The following PIK3R5 variants were observed in gnomAD, a reference collection of about 807,000 sequenced individuals.
The protein encoded by PIK3R5 is phosphoinositide 3-kinase regulatory subunit 5.
PIK3R5 carries 32 observed loss-of-function variants against 94.9 expected under a neutral mutation model. The ratio of observed to expected loss-of-function variants is 0.34; its 90% CI spans 0.25 to 0.45. The LOEUF (loss-of-function observed/expected upper bound fraction) is 0.45. PIK3R5 is among the 20% of genes least tolerant of loss of function. PIK3R5 has a pLI of 1.00. For synonymous variants in PIK3R5, 443 were observed against 479.4 expected (o/e 0.92, Z 0.99); for missense variants, 853 against 1,144.6 (o/e 0.75, Z 3.68).
intron 1 of PIK3R5, among the ~76,000 whole-genome samples, chr17:8,954,878 A>G (rs2151477355): frequency 6.6e-6 from 1 of 150,402 alleles, no homozygotes; most frequent in East Asian, 2.0e-4. Context: ...CGGAGGTTGC[A>G]GTGAACTAAG....
Position 8,942,285 on chromosome 17 carries a change from C to T in PIK3R5, c.-14+23311G>A, listed in dbSNP as rs533532422. Among the ~76,000 whole-genome samples the T allele has an allele frequency of 1.2e-4, 18 of 152,310 alleles. No homozygotes were observed. In the East Asian group the frequency reaches 3.3e-3, roughly 28 times the overall value. On this transcript the variant is annotated intron_variant, in intron 1 of 18. Transcript: ENST00000447110. ...CCTCCCAGGAAACCACACCTGACCT[C>T]TGCCGGCCTGACCCCATCCAGAAAT...
chr17:8,941,598 C>T (rs2091180350), intron 1 of PIK3R5, among the ~76,000 whole-genome samples: 1 of 152,256 alleles, frequency 6.6e-6, no homozygotes, highest in South Asian at 2.1e-4. Flanking sequence ...TGCGCTTGCC[C>T]CCAGGCACAG....
rs1331523832 is a variant in PIK3R5, at chr17:8,881,204, C to T, written c.2383-187G>A. On this transcript the variant is annotated intron_variant, in intron 17 of 18. Transcript: ENST00000447110. The surrounding 1 kb of genome is among the most constrained non-coding windows in gnomAD (Gnocchi z 4.8). ...GCCTGAGGCCTCCATCAGCCCCTGC[C>T]TCCTCTCCAGCATCTGGAAGAAGCA... Among the ~76,000 whole-genome samples, 1 of 152,148 alleles carries T rather than the reference C, an allele frequency of 6.6e-6. No homozygotes were observed. The highest frequency in any genetic ancestry group is 1.5e-5 in the Non-Finnish European group (1 of 68,034).
chr17:8,928,102 C>T (rs73253060), intron 1 of PIK3R5, among the ~76,000 whole-genome samples: 6,862 of 150,822 alleles, frequency 0.045, 532 homozygotes, highest in African/African-American at 0.16. Flanking sequence ...TATAGCAGCA[C>T]AAACAAAGAC....
At chr17:8,918,506 T>G (rs989772187) in intron 1 of PIK3R5, among the ~76,000 whole-genome samples, 1 of 152,210 alleles carries the variant, frequency 6.6e-6, no homozygotes, top group Non-Finnish European at 1.5e-5. Context: ...TTAAATGTTA[T>G]AGATAATTGA....
rs930918240 is a variant in PIK3R5, at chr17:8,890,493, T to C, written c.657+245A>G. 1.6e-4 allele frequency among the ~76,000 whole-genome samples: 24 copies of C among 152,210 alleles called. No homozygotes were observed. The highest frequency in any genetic ancestry group is 5.8e-4 in the African/African-American group (24 of 41,448). ...AGCTCATTCTCGTTCTTATGGCATA[T>C]GCCATCTTCTGAGGCACCAGTTATC... On this transcript the variant is annotated intron_variant, in intron 7 of 18. Coordinates refer to ENST00000447110, the MANE Select transcript of PIK3R5 (RefSeq NM_001142633.3). This position sits in a 1 kb window ranked among gnomAD's most constrained non-coding sequence, Gnocchi z 6.1.
chr17:8,886,855 C>T (rs2089871399), intron 12 of PIK3R5, among the ~76,000 whole-genome samples: 1 of 152,152 alleles, frequency 6.6e-6, no homozygotes, highest in African/African-American at 2.4e-5. Flanking sequence ...GGGCTGAAAT[C>T]TGAGGTCCCC....
rs374238427 is a variant in PIK3R5, at chr17:8,917,738, C to T, written c.-13-6231G>A. On this transcript the variant is annotated intron_variant, in intron 1 of 18. Coordinates refer to ENST00000447110, the MANE Select transcript of PIK3R5 (RefSeq NM_001142633.3). Reference sequence around the variant, plus strand: ...AAAATTAGCCAGGTGTGGTGGTGTGCGCCTGTAGTCCCAGCTACTCGGGTG... The same window carrying T: ...AAAATTAGCCAGGTGTGGTGGTGTGTGCCTGTAGTCCCAGCTACTCGGGTG... 1.2e-3 allele frequency among the ~76,000 whole-genome samples: 185 copies of T among 152,024 alleles called. 1 individual carries two copies. The highest frequency in any genetic ancestry group is 3.8e-3 in the African/African-American group (159 of 41,462).
intron 1 of PIK3R5, among the ~76,000 whole-genome samples, chr17:8,940,004 G>T (rs530389064): frequency 6.6e-6 from 1 of 152,324 alleles, no homozygotes; most frequent in East Asian, 1.9e-4. Context: ...TCTCAGGACA[G>T]TTTAATTCCT....
intron 13 of PIK3R5, 45 bp downstream of exon 13, chr17:8,886,432 G>T: frequency 6.3e-7 from 1 of 1,598,838 alleles, no homozygotes; most frequent in Non-Finnish European, 8.5e-7. Context: ...GGCCTTGCAG[G>T]CCCGGCAGGT....
At chr17:8,908,797 C>A (rs924160434) in intron 3 of PIK3R5, among the ~76,000 whole-genome samples, 5 of 152,118 alleles carry the variant, frequency 3.3e-5, no homozygotes, top group African/African-American at 1.2e-4. Context: ...GGTAAAGTGT[C>A]TTCTCCCTTC....
At chr17:8,886,991 C>A in intron 12 of PIK3R5, 105 bp downstream of exon 12, 1 of 1,337,480 alleles carries the variant, frequency 7.5e-7, no homozygotes, top group South Asian at 1.4e-5. Context: ...GGGCCCAGGT[C>A]CTCCATGGGG....
intron 15 of PIK3R5, among the ~76,000 whole-genome samples, chr17:8,883,250 C>T (rs2089724898): frequency 6.6e-6 from 1 of 152,140 alleles, no homozygotes; most frequent in South Asian, 2.1e-4. Context: ...GCACCTGCTA[C>T]CCAGCTACTC....
At chr17:8,883,609 C>A (rs61761119) in intron 15 of PIK3R5, among the ~76,000 whole-genome samples, 1,899 of 152,298 alleles carry the variant, frequency 0.012, 36 homozygotes, top group African/African-American at 0.043. Flanking sequence ...CTAATTAATT[C>A]CTGGTTTTCC....
chr17:8,924,127 G>A (rs1349698509), intron 1 of PIK3R5, among the ~76,000 whole-genome samples: 2 of 134,022 alleles, frequency 1.5e-5, no homozygotes, highest in Non-Finnish European at 3.1e-5. Flanking sequence ...CTCCCAGGCT[G>A]GAGTGCAGTG....
Position 8,879,808 on chromosome 17 carries a change from A to C in PIK3R5, c.*831T>G, listed in dbSNP as rs1205426640. ...CTCGGCACTGGGCTAGGTGCTTTGC[A>C]GACAATTTAACCTTTTAAGGATGTC... On this transcript the variant is annotated 3_prime_UTR_variant, in exon 19 of 19. Coordinates refer to ENST00000447110, the MANE Select transcript of PIK3R5 (RefSeq NM_001142633.3). The surrounding 1 kb of genome is among the most constrained non-coding windows in gnomAD (Gnocchi z 4.4). 1 of 152,242 alleles carries C rather than the reference A, an allele frequency of 6.6e-6. No individual in the cohort carries two copies. Among genetic ancestry groups the C allele is most frequent in the Non-Finnish European group, 1.5e-5 (1 of 68,040 alleles). 9.4% of individuals were successfully genotyped at this position (152,242 alleles called of 1,614,324 possible). A position where few individuals can be genotyped will look rare whatever the true frequency, so the allele number is the denominator to read the frequency against.
chr17:8,963,041 G>C (rs796270833), intron 1 of PIK3R5, among the ~76,000 whole-genome samples: 9 of 152,318 alleles, frequency 5.9e-5, no homozygotes, highest in African/African-American at 2.2e-4. Context: ...AGGCTGGAAT[G>C]CAGTGACACG....
At chr17:8,957,324 C>T (rs1267127412) in intron 1 of PIK3R5, among the ~76,000 whole-genome samples, 4 of 152,194 alleles carry the variant, frequency 2.6e-5, no homozygotes, top group South Asian at 4.1e-4. Flanking sequence ...GATCTTCCTT[C>T]TAGTGAGCTG....
At chr17:8,956,747 GAAC>G (rs1453565375) in intron 1 of PIK3R5, among the ~76,000 whole-genome samples, 1 of 152,180 alleles carries the variant, frequency 6.6e-6, no homozygotes, top group African/African-American at 2.4e-5. Flanking sequence ...AAAACCCCAA[GAAC>G]AAGAGGACAT....
Sources: gnomAD v4.1 joint callset for allele counts (sites outside exome capture counted in the v4.1 genomes callset) on GRCh38, gnomAD v4.1.1 for gene constraint, Gnocchi (gnomAD v3.1) non-coding constraint, MANE v1.5 for transcripts, NCBI Gene and HGNC (gene_info 2026-07-23, HGNC 2026-07-21) for gene names.